MYPN: variants seen among roughly 807,000 people sequenced by gnomAD.
MYPN encodes the protein myopalladin.
A neutral mutation model predicts 129.4 loss-of-function variants in MYPN; 63 were observed. The ratio of observed to expected loss-of-function variants is 0.49; its 90% CI spans 0.40 to 0.60. The LOEUF (loss-of-function observed/expected upper bound fraction) is 0.60, where lower values mean the gene tolerates loss of function less well. MYPN is among the 20% of genes least tolerant of loss of function. MYPN has a pLI of 0.00. For missense variants in MYPN, 1,596 were observed against 1,635.4 expected (o/e 0.98, Z 0.42); for synonymous variants, 629 against 600.9 (o/e 1.05, Z -0.68).
chr10:68,162,743 G>A (rs985995341), intron 8 of MYPN, among the ~76,000 whole-genome samples: 4 of 151,952 alleles, frequency 2.6e-5, no homozygotes, highest in African/African-American at 9.7e-5. Context: ...ATCACCTGAG[G>A]TTGGGAGTTC....
chr10:68,157,556 G>A (rs1589567469), intron 6 of MYPN, among the ~76,000 whole-genome samples: 4 of 151,538 alleles, frequency 2.6e-5, no homozygotes, highest in Admixed American at 2.0e-4. Context: ...TACTGAGGCC[G>A]GGTGCGGTAG....
chr10:68,137,730 A>G (rs2042509222), intron 2 of MYPN, among the ~76,000 whole-genome samples: 1 of 152,070 alleles, frequency 6.6e-6, no homozygotes, highest in Non-Finnish European at 1.5e-5. Flanking sequence ...GAAACCTCAA[A>G]TTTTTTCATT....
intron 10 of MYPN, among the ~76,000 whole-genome samples, chr10:68,167,582 A>G (rs528474286): frequency 1.1e-4 from 13 of 117,046 alleles, no homozygotes; most frequent in African/African-American, 2.9e-4. Flanking sequence ...CATCAAAATG[A>G]TAAAAAAATT....
intron 10 of MYPN, among the ~76,000 whole-genome samples, chr10:68,170,408 T>TATATA (rs2043127026): frequency 6.6e-6 from 1 of 152,214 alleles, no homozygotes; most frequent in African/African-American, 2.4e-5. Flanking sequence ...AGTATAGATA[T>TATATA]GAATATATAT....
intron 13 of MYPN, among the ~76,000 whole-genome samples, chr10:68,192,813 A>G (rs938692090): frequency 3.9e-5 from 6 of 152,162 alleles, no homozygotes; most frequent in African/African-American, 1.4e-4. Flanking sequence ...ATAGTTGTTC[A>G]TAATAGTCTC....
intron 10 of MYPN, among the ~76,000 whole-genome samples, chr10:68,169,723 T>C (rs1336860426): frequency 6.6e-6 from 1 of 150,730 alleles, no homozygotes; most frequent in East Asian, 1.9e-4. Flanking sequence ...GAAGGGACAA[T>C]GGGCAGAAGT....
At chr10:68,209,519 C>A (rs2043870767) in intron 19 of MYPN, among the ~76,000 whole-genome samples, 2 of 152,104 alleles carry the variant, frequency 1.3e-5, no homozygotes, top group South Asian at 4.1e-4. Flanking sequence ...ATTTCTGCAG[C>A]TTTCTTGTCT....
At chr10:68,184,531 T>A (rs1703466947) in intron 12 of MYPN, among the ~76,000 whole-genome samples, 1 of 151,988 alleles carries the variant, frequency 6.6e-6, no homozygotes, top group Non-Finnish European at 1.5e-5. Context: ...CGGGTTCAAG[T>A]GATTATCCTG....
chr10:68,187,256 C>T (rs892199369), intron 12 of MYPN, among the ~76,000 whole-genome samples: 2 of 149,834 alleles, frequency 1.3e-5, no homozygotes, highest in South Asian at 2.1e-4. Flanking sequence ...CCTGTAATCC[C>T]AGCCACTGCA....
chr10:68,166,781 C>G, intron 10 of MYPN, 115 bp downstream of exon 10: 2 of 1,424,146 alleles, frequency 1.4e-6, no homozygotes, highest in South Asian at 2.5e-5. Context: ...GTAATCCGAG[C>G]ACTTTGGGAG....
intron 16 of MYPN, among the ~76,000 whole-genome samples, chr10:68,199,167 A>T (rs1308463810): frequency 6.6e-6 from 1 of 152,114 alleles, no homozygotes; most frequent in African/African-American, 2.4e-5. Flanking sequence ...CTTAACTGTG[A>T]CCAAAGTACC....
At chr10:68,090,050 C>T (rs970569525) in intron 1 of MYPN, among the ~76,000 whole-genome samples, 1 of 152,080 alleles carries the variant, frequency 6.6e-6, no homozygotes, top group South Asian at 2.1e-4. Flanking sequence ...AGTAAATAGG[C>T]ATATTTTCCT....
intron 1 of MYPN, among the ~76,000 whole-genome samples, chr10:68,113,612 G>C (rs1391135782): frequency 2.0e-5 from 3 of 151,416 alleles, no homozygotes; most frequent in Admixed American, 6.6e-5. Flanking sequence ...TGGGAGGATT[G>C]CTTGAGCCCC....
At chr10:68,167,761 T>C (rs7894981) in intron 10 of MYPN, among the ~76,000 whole-genome samples, 60,781 of 152,106 alleles carry the variant, frequency 0.4, 13,919 homozygotes, top group Non-Finnish European at 0.52. Flanking sequence ...GATTCAATGT[T>C]GTGAAACATG....
chr10:68,198,861 G>C (rs961658081), intron 16 of MYPN, among the ~76,000 whole-genome samples: 9 of 152,074 alleles, frequency 5.9e-5, no homozygotes, highest in Non-Finnish European at 1.3e-4. Flanking sequence ...TGCCCTGTTG[G>C]GGGGATGGGA....
intron 10 of MYPN, 35 bp from the exon 11 acceptor site, chr10:68,174,031 T>A (rs1297423999): frequency 1.3e-6 from 2 of 1,502,770 alleles, no homozygotes; most frequent in Middle Eastern, 1.7e-4. Context: ...AATAACACAT[T>A]TCCTTCTCTC....
chr10:68,198,992 C>CG (rs2043660745), intron 16 of MYPN, among the ~76,000 whole-genome samples: 1 of 145,974 alleles, frequency 6.9e-6, no homozygotes, highest in African/African-American at 2.5e-5. Flanking sequence ...TTCTTGTTTT[C>CG]GTTTTTTTTT....
chr10:68,145,044 G>A (rs1262391534), intron 3 of MYPN, among the ~76,000 whole-genome samples: 1 of 148,332 alleles, frequency 6.7e-6, no homozygotes, highest in Non-Finnish European at 1.5e-5. Flanking sequence ...TTTTTTTTGA[G>A]ACGGAGTTTT....
upstream of MYPN, among the ~76,000 whole-genome samples, chr10:68,103,792 A>G (rs2041993251): frequency 6.6e-6 from 1 of 152,188 alleles, no homozygotes; most frequent in Non-Finnish European, 1.5e-5. Context: ...TCTACTAAAA[A>G]TGCAAAAATT....
Sources: gnomAD v4.1 joint callset for allele counts (sites outside exome capture counted in the v4.1 genomes callset) on GRCh38, gnomAD v4.1.1 for gene constraint, MANE v1.5 for transcripts, NCBI Gene and HGNC (gene_info 2026-07-23, HGNC 2026-07-21) for gene names.